Variants in PTPRT observed in about 807,000 individuals in gnomAD.
PTPRT encodes receptor-type tyrosine-protein phosphatase T.
A neutral mutation model predicts 176.8 loss-of-function variants in PTPRT; 56 were observed. The ratio of observed to expected loss-of-function variants is 0.32; its 90% CI spans 0.26 to 0.40. PTPRT has a LOEUF of 0.40. Ranked by LOEUF, PTPRT falls within the 10% of genes least tolerant of loss-of-function variation. The probability of loss-of-function intolerance (pLI) is 1.00; values close to 1 mark genes in which losing one functional copy is unlikely to be tolerated. For synonymous variants in PTPRT, 783 were observed against 739.0 expected, an observed-to-expected ratio of 1.06 and a Z score of -0.96; for missense variants, 1,540 against 1,908.2, an observed-to-expected ratio of 0.81 and a Z score of 3.60.
intron 1 of PTPRT, among the ~76,000 whole-genome samples, chr20:42,886,597 A>G (rs918213341): frequency 2.6e-5 from 4 of 152,230 alleles, no homozygotes; most frequent in African/African-American, 4.8e-5. Flanking sequence ...ATGCACCTGG[A>G]AGATAATAAA....
intron 6 of PTPRT, among the ~76,000 whole-genome samples, chr20:42,702,611 CT>C (rs2075990811): frequency 6.6e-6 from 1 of 152,186 alleles, no homozygotes; most frequent in South Asian, 2.1e-4. Context: ...TCCAGCACCC[CT>C]GGGAGGGCTG....
At chr20:42,542,084 C>T (rs1180611337) in intron 7 of PTPRT, among the ~76,000 whole-genome samples, 1 of 152,152 alleles carries the variant, frequency 6.6e-6, no homozygotes, top group Non-Finnish European at 1.5e-5. Context: ...CCTGCACATG[C>T]TCTCTTGCCT....
chr20:42,299,059 A>G (rs974790394), intron 12 of PTPRT, among the ~76,000 whole-genome samples: 2 of 152,166 alleles, frequency 1.3e-5, no homozygotes, highest in South Asian at 2.1e-4. Flanking sequence ...GAAATATAAC[A>G]TACATTGACT....
At chr20:42,597,414 C>T (rs574607930) in intron 7 of PTPRT, among the ~76,000 whole-genome samples, 1 of 152,256 alleles carries the variant, frequency 6.6e-6, no homozygotes, top group African/African-American at 2.4e-5. Flanking sequence ...TGTGTCCCCG[C>T]CCAAATCTCA....
intron 1 of PTPRT, among the ~76,000 whole-genome samples, chr20:43,022,745 A>C (rs548654064): frequency 6.6e-6 from 1 of 152,224 alleles, no homozygotes; most frequent in East Asian, 1.9e-4. Context: ...AATGAGGAGG[A>C]TGTAACAGCT....
chr20:42,253,990 T>C (rs2146936369), intron 13 of PTPRT, among the ~76,000 whole-genome samples: 1 of 152,318 alleles, frequency 6.6e-6, no homozygotes, highest in Admixed American at 6.5e-5. Flanking sequence ...TACTCTTACA[T>C]ATGGAAACCT....
chr20:42,303,636 A>G (rs2057502505), intron 12 of PTPRT, among the ~76,000 whole-genome samples: 1 of 152,172 alleles, frequency 6.6e-6, no homozygotes, highest in East Asian at 1.9e-4. Flanking sequence ...ATGAGAATAC[A>G]TATAGTGCCA....
intron 1 of PTPRT, among the ~76,000 whole-genome samples, chr20:43,160,540 TC>T (rs1262459638): frequency 6.6e-6 from 1 of 152,122 alleles, no homozygotes; most frequent in Non-Finnish European, 1.5e-5. Context: ...AACATGATCA[TC>T]TCCATTTTAC....
chr20:42,177,450 A>C (rs1343146331), intron 16 of PTPRT, among the ~76,000 whole-genome samples: 4 of 152,226 alleles, frequency 2.6e-5, no homozygotes, highest in African/African-American at 9.6e-5. Context: ...TGATGGCCTT[A>C]ACCCTGGAAA....
At chr20:42,057,689 A>G in the PTPRT span, among the ~76,000 whole-genome samples, 2 of 152,200 alleles carry the variant, frequency 1.3e-5, no homozygotes, top group East Asian at 3.9e-4. Flanking sequence ...CCTGGGTTCA[A>G]GGGATCCTCC....
At chr20:42,314,797 T>C (rs1237320613) in intron 12 of PTPRT, among the ~76,000 whole-genome samples, 2 of 152,072 alleles carry the variant, frequency 1.3e-5, no homozygotes, top group African/African-American at 2.4e-5. Context: ...GAAACTTCAA[T>C]AGGAAATATT....
At chr20:42,035,084 A>G in the PTPRT span, among the ~76,000 whole-genome samples, 2 of 152,110 alleles carry the variant, frequency 1.3e-5, no homozygotes, top group Non-Finnish European at 2.9e-5. Flanking sequence ...ACCCAGTTCA[A>G]AAACATCTCT....
intron 7 of PTPRT, among the ~76,000 whole-genome samples, chr20:42,494,277 T>C (rs181950582): frequency 2.8e-4 from 42 of 152,314 alleles, no homozygotes; most frequent in African/African-American, 9.9e-4. Context: ...TTTGTTTTTA[T>C]TGATCTCTTT....
intron 3 of PTPRT, among the ~76,000 whole-genome samples, chr20:42,787,363 GTCAGGTGGTCA>G: frequency 6.6e-6 from 1 of 152,258 alleles, no homozygotes; most frequent in South Asian, 2.1e-4. Context: ...TATCTCTATA[GTCAGGTGGTCA>G]TCCAACAAAA....
intron 16 of PTPRT, among the ~76,000 whole-genome samples, chr20:42,181,335 C>T (rs1325645905): frequency 6.6e-6 from 1 of 152,032 alleles, no homozygotes; most frequent in East Asian, 1.9e-4. Context: ...GAAGAGTGTT[C>T]CCTCTGTTTT....
chr20:43,048,255 C>T (rs1253540726), intron 1 of PTPRT, among the ~76,000 whole-genome samples: 1 of 151,934 alleles, frequency 6.6e-6, no homozygotes, highest in African/African-American at 2.4e-5. Flanking sequence ...TGGACCATGC[C>T]TGAGAAATGC....
chr20:42,452,968 C>G (rs2070857638), intron 8 of PTPRT, among the ~76,000 whole-genome samples: 1 of 152,180 alleles, frequency 6.6e-6, no homozygotes, highest in Non-Finnish European at 1.5e-5. Flanking sequence ...CAAATGCCAT[C>G]TTACTACCAT....
intron 14 of PTPRT, among the ~76,000 whole-genome samples, chr20:42,239,176 GAA>G (rs1403650738): frequency 1.3e-5 from 2 of 151,970 alleles, no homozygotes; most frequent in African/African-American, 4.8e-5. Context: ...ACCTCTTTAG[GAA>G]TAATAAAATA....
Position 42,617,448 on chromosome 20 carries a change from C to T in PTPRT, c.1153+60418G>A, listed in dbSNP as rs1268253744. Among the ~76,000 whole-genome samples, 2 of 132,452 alleles carry T rather than the reference C, an allele frequency of 1.5e-5. 1 individual carries two copies. Among genetic ancestry groups the T allele is most frequent in the Non-Finnish European group, 3.1e-5 (2 of 63,910 alleles). 86.9% of individuals were successfully genotyped at this position (132,452 alleles called of 152,430 possible). ...GGCTTTGGTATCAGAATGATGCTGGCCTCATAAAATGAGTTAGGGAGGATT... is the reference window on the plus strand; with the variant it reads ...GGCTTTGGTATCAGAATGATGCTGGTCTCATAAAATGAGTTAGGGAGGATT... On this transcript the variant is annotated intron_variant, in intron 7 of 30. Transcript: ENST00000373187.
Sources: allele counts gnomAD v4.1 joint callset (sites outside exome capture counted in the v4.1 genomes callset), GRCh38; gene constraint gnomAD v4.1.1; transcripts MANE v1.5; gene names NCBI Gene and HGNC (gene_info 2026-07-23, HGNC 2026-07-21).